The following TRIM29 variants were observed in gnomAD, a reference collection of about 807,000 sequenced individuals.
TRIM29 encodes tripartite motif containing 29, also known as tripartite motif-containing protein 29.
A neutral mutation model predicts 57.3 loss-of-function variants in TRIM29; 52 were observed. That is an observed-to-expected ratio of 0.91 (90% CI 0.73 to 1.14). The LOEUF is 1.14. Among genes scored for constraint, TRIM29 ranks in the 50% most tolerant of loss-of-function variants. TRIM29 has a pLI of 0.00. For synonymous variants in TRIM29, 319 were observed against 316.9 expected (o/e 1.01, Z -0.07); for missense variants, 753 against 774.6 (o/e 0.97, Z 0.33).
chr11:120,129,964 G>C (rs1239588901), intron 1 of TRIM29, among the ~76,000 whole-genome samples: 1 of 152,220 alleles, frequency 6.6e-6, no homozygotes, highest in Non-Finnish European at 1.5e-5. Context: ...CTAAGGAGAT[G>C]AGGATGGAGA....
In TRIM29 at chr11:120,137,084, G is replaced by A. The variant is rs536660740; in HGVS notation, c.804+144C>T. The A allele has an allele frequency of 1.2e-4, 109 of 889,404 alleles. No homozygotes were observed. The East Asian group carries it at 2.9e-3, about 23-fold the overall frequency. The allele number at this position is 889,404 out of a possible 1,614,324, so 55.1% of individuals were successfully genotyped here. On this transcript the variant is annotated intron_variant, in intron 1 of 8. Transcript: ENST00000341846. The surrounding 1 kb of genome is among the most constrained non-coding windows in gnomAD (Gnocchi z 6.2). The stretch of plus-strand genomic sequence containing the variant: ...ATTAGGGGGGACAGGGGGCATGAGG[G>A]GAAATAAATGTTTTCTAAAAGAGCC...
intron 1 of TRIM29, among the ~76,000 whole-genome samples, chr11:120,130,061 G>A (rs2135022607): frequency 6.6e-6 from 1 of 152,194 alleles, no homozygotes; most frequent in Middle Eastern, 3.4e-3. Context: ...GAGAAAGCAG[G>A]CCCACTGTAA....
rs765210012 is a variant in TRIM29 at position 120,137,776 on chromosome 11, C to T, written c.256G>A (p.Gly86Arg). Residue 86 changes from glycine (G) to arginine (R), a missense_variant, in exon 1 of 9, where the codon GGG (glycine) becomes AGG (arginine). Gly to Arg is a moderately radical substitution (Grantham distance 125, BLOSUM62 -2). Coordinates refer to ENST00000341846, the MANE Select transcript of TRIM29 (RefSeq NM_012101.4). This position sits in a 1 kb window ranked among gnomAD's most constrained non-coding sequence, Gnocchi z 6.2. Reference protein sequence around the residue: ...RRPIIQFVESGDDKNSNYFSM... With the variant: ...RRPIIQFVESRDDKNSNYFSM... ...AAGTAGTTGGAGTTCTTGTCGTCCCCGGACTCGACAAACTGGATGATGGGT... is the reference window on the plus strand; with the variant it reads ...AAGTAGTTGGAGTTCTTGTCGTCCCTGGACTCGACAAACTGGATGATGGGT... The T allele has an allele frequency of 1.2e-5, 20 of 1,611,952 alleles. No individual in the cohort carries two copies.
Position 120,120,630 on chromosome 11 carries a change from C to T in TRIM29, c.1471G>A (p.Gly491Ser). Residue 491 changes from glycine (G) to serine (S), a missense_variant, in exon 6 of 9, where the codon GGC becomes AGC. Physicochemically the swap from Gly to Ser is moderately conservative, Grantham distance 56. Coordinates refer to ENST00000341846, the MANE Select transcript of TRIM29 (RefSeq NM_012101.4). The part of the protein sequence containing the change: ...VRTSYQPSSP[G>S]RFTKETTQKN... ...TGGGTGGTCTCCTTGGTGAAGCGGC[C>T]AGGAGACGAGGGCTGGTATGATGTC... 1 of 1,613,808 alleles carries T rather than the reference C, an allele frequency of 6.2e-7. No homozygotes were observed. The highest frequency in any genetic ancestry group is 8.5e-7 in the Non-Finnish European group (1 of 1,179,970).
At chr11:120,128,921 T>G in intron 1 of TRIM29, 1 of 1,401,480 alleles carries the variant, frequency 7.1e-7, no homozygotes, top group East Asian at 2.8e-5. Context: ...CTCGTGGCAG[T>G]AACAGTGTGC....
chr11:120,115,462 G>A, intron 7 of TRIM29, 48 bp from the exon 8 acceptor site: 1 of 1,540,962 alleles, frequency 6.5e-7, no homozygotes, highest in Non-Finnish European at 8.9e-7. Flanking sequence ...CTGGTGGTCA[G>A]GGGTGCCCGG....
rs1324243620 is a variant in TRIM29, at chr11:120,122,939, G to T, written c.1435+15C>A. On this transcript the variant is annotated intron_variant, in intron 5 of 8. Transcript: ENST00000341846. ...AGGAGAGACACTAGGTCTGGGGTGA[G>T]GGGCTCCCTCTTACCTTTGGGTGTC... The T allele has an allele frequency of 1.9e-6, 3 of 1,611,604 alleles. No homozygotes were observed. The highest frequency in any genetic ancestry group is 1.7e-5 in the Admixed American group (1 of 59,974).
At chr11:120,123,845 A>T in intron 4 of TRIM29, 1 of 271,990 alleles carries the variant, frequency 3.7e-6, no homozygotes, top group Non-Finnish European at 7.1e-6. Flanking sequence ...TCAAAGAATA[A>T]ACAAATGCCC....
Position 120,120,590 on chromosome 11 carries a change from T to C in TRIM29, c.1511A>G (p.Asn504Ser). Residue 504 changes from asparagine to serine, a missense_variant, in exon 6 of 9, where the codon AAT becomes AGT. By Grantham distance (46) the Asn-to-Ser change is conservative. Transcript: ENST00000341846. ...TKETTQKNFNNLYGTKGNYTS... is the reference protein window; with the variant it reads ...TKETTQKNFNSLYGTKGNYTS... ...CCACCTACCTTTGGTGCCATAGAGA[T>C]TGTTGAAATTCTTCTGGGTGGTCTC... 6 of 1,613,346 alleles carry C rather than the reference T, an allele frequency of 3.7e-6. No homozygotes were observed. Among genetic ancestry groups the C allele is most frequent in the Non-Finnish European group, 5.1e-6 (6 of 1,179,920 alleles).
intron 1 of TRIM29, among the ~76,000 whole-genome samples, chr11:120,134,727 C>T (rs1345664137): frequency 2.0e-5 from 3 of 152,202 alleles, no homozygotes; most frequent in Non-Finnish European, 2.9e-5. Context: ...CACACATATC[C>T]CAATCCCATC....
chr11:120,137,085 G>A lies in TRIM29; in HGVS notation c.804+143C>T, dbSNP rs1863832119. 8.9e-6 allele frequency: 8 copies of A among 900,426 alleles called. No homozygotes were observed. Among genetic ancestry groups the A allele is most frequent in the East Asian group, 2.6e-5 (1 of 37,968 alleles). 55.8% of individuals were successfully genotyped at this position (900,426 alleles called of 1,614,324 possible). On this transcript the variant is annotated intron_variant, in intron 1 of 8. Transcript: ENST00000341846. This position sits in a 1 kb window ranked among gnomAD's most constrained non-coding sequence, Gnocchi z 6.2. ...TTAGGGGGGACAGGGGGCATGAGGGGAAATAAATGTTTTCTAAAAGAGCCA... is the reference window on the plus strand; with the variant it reads ...TTAGGGGGGACAGGGGGCATGAGGGAAAATAAATGTTTTCTAAAAGAGCCA...
At chr11:120,123,196 G>C in intron 4 of TRIM29, 141 bp from the exon 5 acceptor site, 3 of 729,250 alleles carry the variant, frequency 4.1e-6, no homozygotes, top group Non-Finnish European at 7.4e-6. Flanking sequence ...CAACCTCTCA[G>C]AGAATATGAC....
chr11:120,133,693 T>C (rs1470025111), intron 1 of TRIM29, among the ~76,000 whole-genome samples: 1 of 152,194 alleles, frequency 6.6e-6, no homozygotes, highest in African/African-American at 2.4e-5. Flanking sequence ...AGACCAGCGC[T>C]GCTCAGAAAA....
intron 4 of TRIM29, chr11:120,125,043 TGAC>T (rs1188927808): frequency 6.6e-6 from 1 of 152,600 alleles, no homozygotes; most frequent in Non-Finnish European, 1.5e-5. Flanking sequence ...GAAAAGGACT[TGAC>T]GATGTTGTTT....
chr11:120,122,967 G>A lies in TRIM29; in HGVS notation c.1422C>T (p.Tyr474=), dbSNP rs781440183. 2 of 1,613,950 alleles carry A rather than the reference G, an allele frequency of 1.2e-6. No homozygotes were observed. Among genetic ancestry groups the A allele is most frequent in the South Asian group, 1.1e-5 (1 of 91,064 alleles). ...APDTMKRYSM[Y]LTPKGGVRTS... Reference sequence around the variant, plus strand: ...GCTCCCTCTTACCTTTGGGTGTCAGGTACATGGAGTATCTCTTCATGGTGT... The same window carrying A: ...GCTCCCTCTTACCTTTGGGTGTCAGATACATGGAGTATCTCTTCATGGTGT... The change falls in exon 5 of 9, where the codon TAC becomes TAT. Residue 474 remains tyrosine, a synonymous_variant. Transcript: ENST00000341846.
rs1863326001 is a variant in TRIM29, at chr11:120,118,122, G to A, written c.1627+101C>T. ...CAGGCCAGGCCTCTCTCCTCCACGA[G>A]GTGAGGGAGGAACTAGCAGCTCAGC... On this transcript the variant is annotated intron_variant, in intron 7 of 8. Transcript: ENST00000341846. 1.7e-5 allele frequency: 18 copies of A among 1,079,494 alleles called. 1 individual carries two copies. In the South Asian group the frequency reaches 2.4e-4, roughly 14 times the overall value. The allele number at this position is 1,079,494 out of a possible 1,614,324, so 66.9% of individuals were successfully genotyped here.
Position 120,137,182 on chromosome 11 carries a change from TGA to T in TRIM29, c.804+44_804+45del. The T allele has an allele frequency of 1.3e-6, 2 of 1,599,156 alleles. No homozygotes were observed. Among genetic ancestry groups the T allele is most frequent in the South Asian group, 1.1e-5 (1 of 89,880 alleles). On this transcript the variant is annotated intron_variant, in intron 1 of 8. Transcript: ENST00000341846. This position sits in a 1 kb window ranked among gnomAD's most constrained non-coding sequence, Gnocchi z 6.2. The stretch of plus-strand genomic sequence containing the variant: ...GAAGATGAAGTTCGGAGGGGTGGGG[TGA>T]GAGAGGAGAGGCCTGGAGGGGCAGG...
In TRIM29 at chr11:120,112,277, G is replaced by C. The variant is rs1456305353; in HGVS notation, c.*137C>G. 22 of 985,656 alleles carry C rather than the reference G, an allele frequency of 2.2e-5. No individual in the cohort carries two copies. The highest frequency in any genetic ancestry group is 2.9e-5 in the Non-Finnish European group (19 of 662,098). 61.1% of individuals were successfully genotyped at this position (985,656 alleles called of 1,614,324 possible). A position where few individuals can be genotyped will look rare whatever the true frequency, so the allele number is the denominator to read the frequency against. ...GAGAGGCCGGAACTGCCCCCAAGAG[G>C]CTGGCAGAGGGCTGCAGAGGGCAGG... On this transcript the variant is annotated 3_prime_UTR_variant, in exon 9 of 9. Coordinates refer to ENST00000341846, the MANE Select transcript of TRIM29 (RefSeq NM_012101.4).
chr11:120,123,194 CA>C, intron 4 of TRIM29, 139 bp from the exon 5 acceptor site: 1 of 651,388 alleles, frequency 1.5e-6, no homozygotes, highest in Non-Finnish European at 2.8e-6. Context: ...CCCAACCTCT[CA>C]GAGAATATGA....
Sources: gnomAD v4.1 joint callset for allele counts (sites outside exome capture counted in the v4.1 genomes callset) on GRCh38, gnomAD v4.1.1 for gene constraint, Gnocchi (gnomAD v3.1) non-coding constraint, MANE v1.5 for transcripts, NCBI Gene and HGNC (gene_info 2026-07-23, HGNC 2026-07-21) for gene names.